The following ATP8B4 variants were observed in gnomAD, a reference collection of about 807,000 sequenced individuals.
ATP8B4 encodes probable phospholipid-transporting ATPase IM.
Under a neutral mutation model 145.6 loss-of-function variants are expected in ATP8B4, and 133 were observed. The observed-to-expected ratio is 0.91, with a 90% CI of 0.79 to 1.05. The LOEUF (loss-of-function observed/expected upper bound fraction) is 1.05. Ranked by LOEUF, ATP8B4 falls within the 50% of genes least tolerant of loss-of-function variation. The pLI is 0.00. For missense variants in ATP8B4, 1,458 were observed against 1,425.2 expected (o/e 1.02, Z -0.37); for synonymous variants, 507 against 492.9 (o/e 1.03, Z -0.38).
chr15:49,898,429 T>A lies in ATP8B4; in HGVS notation c.2290-178A>T, dbSNP rs1259509913. On this transcript the variant is annotated intron_variant, in intron 21 of 27. Transcript: ENST00000284509. The stretch of plus-strand genomic sequence containing the variant: ...AAGCAACAAGAACCAAAGAAATGAG[T>A]ATTGAACTCCTAAGCAAATTTTAAA... Among the ~76,000 whole-genome samples the A allele has an allele frequency of 2.6e-5, 4 of 152,120 alleles. No individual in the cohort carries two copies. The East Asian group carries it at 7.7e-4, about 29-fold the overall frequency.
intron 16 of ATP8B4, among the ~76,000 whole-genome samples, chr15:49,927,727 C>G (rs916099931): frequency 6.6e-6 from 1 of 152,102 alleles, no homozygotes; most frequent in Admixed American, 6.5e-5. Flanking sequence ...AAGAAACCAA[C>G]TCTGGGCCAA....
intron 12 of ATP8B4, among the ~76,000 whole-genome samples, chr15:49,977,673 G>T (rs1405212396): frequency 6.6e-6 from 1 of 151,926 alleles, no homozygotes; most frequent in Non-Finnish European, 1.5e-5. Context: ...GAGTTTTAAG[G>T]TATCATATTT....
chr15:49,981,744 C>T (rs908681142), intron 10 of ATP8B4, among the ~76,000 whole-genome samples: 5 of 151,946 alleles, frequency 3.3e-5, no homozygotes, highest in Non-Finnish European at 5.9e-5. Context: ...ATTTGAGGTC[C>T]CTTTGAAGGA....
intron 4 of ATP8B4, among the ~76,000 whole-genome samples, chr15:50,046,564 A>G (rs1236839383): frequency 1.1e-4 from 17 of 152,270 alleles, no homozygotes; most frequent in Admixed American, 9.8e-4. Flanking sequence ...TTAAATAGAT[A>G]TTCAATTAAA....
intron 23 of ATP8B4, among the ~76,000 whole-genome samples, chr15:49,885,539 C>G (rs1247708470): frequency 1.3e-5 from 2 of 152,190 alleles, no homozygotes; most frequent in African/African-American, 4.8e-5. Flanking sequence ...ACTGTAGGTA[C>G]TCTATAAATA....
At chr15:49,873,969 T>C (rs1443174741) in intron 25 of ATP8B4, among the ~76,000 whole-genome samples, 6 of 152,216 alleles carry the variant, frequency 3.9e-5, no homozygotes, top group African/African-American at 1.4e-4. Context: ...TTATAATGAT[T>C]CTTTCCTAGG....
At chr15:50,066,980 A>G (rs2053426847) in intron 3 of ATP8B4, among the ~76,000 whole-genome samples, 1 of 152,030 alleles carries the variant, frequency 6.6e-6, no homozygotes, top group South Asian at 2.1e-4. Flanking sequence ...TCCCTTCCTT[A>G]ACACTTTCCT....
At chr15:50,001,967 G>A (rs2047927917) in intron 8 of ATP8B4, among the ~76,000 whole-genome samples, 186 bp downstream of exon 8, 1 of 152,056 alleles carries the variant, frequency 6.6e-6, no homozygotes, top group Admixed American at 6.6e-5. Flanking sequence ...CACTGTTTCT[G>A]CAAGAAAATA....
intron 3 of ATP8B4, among the ~76,000 whole-genome samples, chr15:50,057,299 T>C (rs75141586): frequency 0.013 from 2,021 of 152,308 alleles, 47 homozygotes; most frequent in African/African-American, 0.047. Context: ...TCCAATGAGC[T>C]GTGACTATTT....
At chr15:50,085,501 C>G (rs1010627404) in intron 2 of ATP8B4, among the ~76,000 whole-genome samples, 1 of 151,974 alleles carries the variant, frequency 6.6e-6, no homozygotes, top group Admixed American at 6.6e-5. Flanking sequence ...TGCAGATCCA[C>G]GCAGTGCCGT....
rs74012874 is a variant in ATP8B4, at chr15:50,061,228, C to G, written c.87+12899G>C. On this transcript the variant is annotated intron_variant, in intron 3 of 27. Transcript: ENST00000284509. Reference sequence around the variant, plus strand: ...AGTGAAAAATCAGATTTTTTTCCCTCCACTTTCAATTTAAGCTCTGGCAAA... The same window carrying G: ...AGTGAAAAATCAGATTTTTTTCCCTGCACTTTCAATTTAAGCTCTGGCAAA... Among the ~76,000 whole-genome samples, 58 of 151,918 alleles carry G rather than the reference C, an allele frequency of 3.8e-4. No individual in the cohort carries two copies. The Middle Eastern group carries it at 0.01, about 27-fold the overall frequency.
chr15:49,998,243 G>A (rs1406067650), intron 8 of ATP8B4, among the ~76,000 whole-genome samples: 3 of 152,078 alleles, frequency 2.0e-5, no homozygotes, highest in African/African-American at 7.2e-5. Flanking sequence ...ATTTTCCTTT[G>A]GGTATATACC....
chr15:50,069,293 T>G (rs1401025395), intron 3 of ATP8B4, among the ~76,000 whole-genome samples: 1 of 152,246 alleles, frequency 6.6e-6, no homozygotes, highest in Non-Finnish European at 1.5e-5. Flanking sequence ...TTATCTTTTA[T>G]GTTCTAAACC....
At chr15:49,965,043 T>C (rs1164090200) in intron 13 of ATP8B4, among the ~76,000 whole-genome samples, 3 of 152,234 alleles carry the variant, frequency 2.0e-5, no homozygotes, top group African/African-American at 4.8e-5. Flanking sequence ...AAAGGTTCTA[T>C]GTTATTTACC....
intron 19 of ATP8B4, among the ~76,000 whole-genome samples, chr15:49,917,753 C>G (rs1336534119): frequency 1.3e-5 from 2 of 152,130 alleles, no homozygotes; most frequent in Non-Finnish European, 2.9e-5. Flanking sequence ...TAATTAGACT[C>G]TAGCTAATTC....
chr15:50,077,591 G>T lies in ATP8B4; in HGVS notation c.29-3406C>A, dbSNP rs576710620. Among the ~76,000 whole-genome samples, 6 of 152,212 alleles carry T rather than the reference G, an allele frequency of 3.9e-5. No homozygotes were observed. The South Asian group carries it at 6.2e-4, about 16-fold the overall frequency. On this transcript the variant is annotated intron_variant, in intron 2 of 27. Coordinates refer to ENST00000284509, the MANE Select transcript of ATP8B4 (RefSeq NM_024837.4). ...GTTATGGACAGGGTGACAGGCCCAG[G>T]TTATGCCTATTATCTTGTCAAAATA...
chr15:50,165,929 G>T (rs1375953239), intron 1 of ATP8B4, among the ~76,000 whole-genome samples: 1 of 148,906 alleles, frequency 6.7e-6, no homozygotes, highest in Non-Finnish European at 1.5e-5. Flanking sequence ...AGATATAAAA[G>T]ATATCAAACC....
rs1408848721 is a variant in ATP8B4 at position 50,115,030 on chromosome 15, C to A, written c.-43+4093G>T. On this transcript the variant is annotated intron_variant, in intron 1 of 27. Coordinates refer to ENST00000284509, the MANE Select transcript of ATP8B4 (RefSeq NM_024837.4). ...GAGAGCAGACAGAAACATAAAAGAC[C>A]ATTCGAATCGTGAGTGTAGGCCAGA... 2.0e-5 allele frequency among the ~76,000 whole-genome samples: 3 copies of A among 152,144 alleles called. 1 individual carries two copies. The highest frequency in any genetic ancestry group is 7.2e-5 in the African/African-American group (3 of 41,414).
intron 14 of ATP8B4, among the ~76,000 whole-genome samples, chr15:49,938,159 G>C (rs2041881468): frequency 1.3e-5 from 2 of 152,110 alleles, no homozygotes; most frequent in African/African-American, 4.8e-5. Context: ...ATTTGCAAAG[G>C]CCTATGTGAG....
Sources: gnomAD v4.1 joint callset for allele counts (sites outside exome capture counted in the v4.1 genomes callset) on GRCh38, gnomAD v4.1.1 for gene constraint, MANE v1.5 for transcripts, NCBI Gene and HGNC (gene_info 2026-07-23, HGNC 2026-07-21) for gene names.